TRHDE: variants seen among roughly 807,000 people sequenced by gnomAD.
TRHDE encodes thyrotropin-releasing hormone-degrading ectoenzyme.
In TRHDE, 72 loss-of-function variants were observed where a neutral mutation model predicts 125.7. The observed-to-expected ratio is 0.57, with a 90% CI of 0.47 to 0.70. The LOEUF (loss-of-function observed/expected upper bound fraction) is 0.70. Ranked by LOEUF, TRHDE falls within the 30% of genes least tolerant of loss-of-function variation. The probability of loss-of-function intolerance (pLI) is 0.00; values close to 1 mark genes in which losing one functional copy is unlikely to be tolerated. For synonymous variants in TRHDE, 509 were observed against 509.1 expected (o/e 1.00, Z 0.00); for missense variants, 1,110 against 1,327.1 (o/e 0.84, Z 2.54).
At chr12:72,335,827 A>G (rs1374207310) in intron 2 of TRHDE, among the ~76,000 whole-genome samples, 2 of 152,214 alleles carry the variant, frequency 1.3e-5, no homozygotes, top group African/African-American at 4.8e-5. Context: ...AGATATTTGA[A>G]TTCAGAGCTG....
chr12:72,469,740 G>A lies in TRHDE; in HGVS notation c.1316-18G>A, dbSNP rs754206654. 1.7e-5 allele frequency: 27 copies of A among 1,612,440 alleles called. 2 individuals carry two copies. The East Asian group carries it at 3.8e-4, about 23-fold the overall frequency. ...TGTCTTTGTTAAAGCCTTTGGAACT[G>A]TTTTATTTTATTTCTAGATCTTTTA... On this transcript the variant is annotated intron_variant, in intron 3 of 18. Coordinates refer to ENST00000261180, the MANE Select transcript of TRHDE (RefSeq NM_013381.3).
intron 2 of TRHDE, among the ~76,000 whole-genome samples, chr12:72,180,927 A>G (rs1592472361): frequency 6.6e-6 from 1 of 152,268 alleles, no homozygotes; most frequent in South Asian, 2.1e-4. Context: ...AATGTATACA[A>G]CTATGGTAAA....
intron 5 of TRHDE, among the ~76,000 whole-genome samples, chr12:72,485,149 A>G (rs897039463): frequency 6.6e-6 from 1 of 152,096 alleles, no homozygotes; most frequent in Non-Finnish European, 1.5e-5. Context: ...CAGCTGAAGA[A>G]GCTCTCCAGA....
intron 10 of TRHDE, among the ~76,000 whole-genome samples, chr12:72,570,115 G>A (rs772869406): frequency 2.6e-5 from 4 of 152,164 alleles, no homozygotes; most frequent in Non-Finnish European, 5.9e-5. Flanking sequence ...TTAGAAGAGG[G>A]TAAAGATACT....
At chr12:72,218,610 G>A (rs1877942023) in intron 2 of TRHDE, among the ~76,000 whole-genome samples, 1 of 152,062 alleles carries the variant, frequency 6.6e-6, no homozygotes, top group African/African-American at 2.4e-5. Flanking sequence ...GTTTCTTCTG[G>A]AGGCTCTAAG....
intron 3 of TRHDE, among the ~76,000 whole-genome samples, chr12:72,384,715 G>A (rs138855851): frequency 6.6e-6 from 1 of 152,176 alleles, no homozygotes; most frequent in East Asian, 1.9e-4. Flanking sequence ...GGGATAAATT[G>A]CCCTATTGAA....
At chr12:72,201,712 C>T (rs142582573) in intron 2 of TRHDE, among the ~76,000 whole-genome samples, 6 of 152,198 alleles carry the variant, frequency 3.9e-5, no homozygotes, top group East Asian at 1.9e-4. Flanking sequence ...TGAAGCATGC[C>T]GATCCAAGCA....
intron 6 of TRHDE, among the ~76,000 whole-genome samples, chr12:72,537,245 G>T (rs995669196): frequency 6.6e-6 from 1 of 151,980 alleles, no homozygotes; most frequent in African/African-American, 2.4e-5. Context: ...CTTCAGCTAG[G>T]ACTTATGGTG....
chr12:72,296,453 T>C (rs1182151995), intron 2 of TRHDE, among the ~76,000 whole-genome samples: 1 of 152,198 alleles, frequency 6.6e-6, no homozygotes, highest in Non-Finnish European at 1.5e-5. Context: ...GGATGGTTCC[T>C]GTGAGCAGAA....
At chr12:72,265,415 G>A (rs1378163584) in intron 2 of TRHDE, among the ~76,000 whole-genome samples, 6 of 151,772 alleles carry the variant, frequency 4.0e-5, no homozygotes, top group African/African-American at 1.2e-4. Flanking sequence ...ATGGTATGTT[G>A]GTGTAGCCTT....
At chr12:72,423,780 C>T (rs1043225978) in intron 3 of TRHDE, among the ~76,000 whole-genome samples, 7 of 151,868 alleles carry the variant, frequency 4.6e-5, no homozygotes, top group African/African-American at 1.2e-4. Context: ...TGCGTGTAAT[C>T]GGAAGAGTCT....
intron 2 of TRHDE, among the ~76,000 whole-genome samples, chr12:72,121,624 C>T (rs1875584589): frequency 6.6e-6 from 1 of 151,900 alleles, no homozygotes; most frequent in African/African-American, 2.4e-5. Context: ...CTATTCAAAA[C>T]TATCTTTTCT....
intron 1 of TRHDE, among the ~76,000 whole-genome samples, chr12:72,092,874 G>C (rs1874824938): frequency 6.6e-6 from 1 of 152,110 alleles, no homozygotes; most frequent in South Asian, 2.1e-4. Flanking sequence ...CCAAACCTCA[G>C]AACTTCTTTA....
Position 72,562,853 on chromosome 12 carries a change from G to T in TRHDE, c.1855G>T (p.Ala619Ser), listed in dbSNP as rs756648122. 6.5e-6 allele frequency: 10 copies of T among 1,544,822 alleles called. No homozygotes were observed. The highest frequency in any genetic ancestry group is 7.8e-6 in the Non-Finnish European group (9 of 1,148,324). Residue 619 changes from alanine (A) to serine (S), a missense_variant and splice_region_variant, in exon 9 of 19, where the codon GCT becomes TCT. Coordinates refer to ENST00000261180, the MANE Select transcript of TRHDE (RefSeq NM_013381.3). The stretch of plus-strand genomic sequence containing the variant: ...AATTTGTACATTTTTCCTTGTGAAG[G>T]CTTTAAAAAGAAATGGGAAATATGT... ...RNDLWNTLSE[A>S]LKRNGKYVNI...
chr12:72,156,775 A>G (rs1170948596), intron 2 of TRHDE, among the ~76,000 whole-genome samples: 3 of 152,196 alleles, frequency 2.0e-5, no homozygotes, highest in Non-Finnish European at 4.4e-5. Context: ...TTTGTCTTTC[A>G]TCAAATATTT....
chr12:72,508,487 G>C (rs1878447088), intron 6 of TRHDE, among the ~76,000 whole-genome samples: 1 of 152,190 alleles, frequency 6.6e-6, no homozygotes, highest in African/African-American at 2.4e-5. Flanking sequence ...AGACTTACAT[G>C]GGGCCTGTAG....
intron 2 of TRHDE, among the ~76,000 whole-genome samples, chr12:72,109,826 C>A (rs952457726): frequency 6.6e-6 from 1 of 152,166 alleles, no homozygotes; most frequent in East Asian, 1.9e-4. Flanking sequence ...TACTCATTGC[C>A]TGTGGCTGAG....
At chr12:72,659,802 TAGA>T (rs1874846043) in intron 18 of TRHDE, among the ~76,000 whole-genome samples, 1 of 152,114 alleles carries the variant, frequency 6.6e-6, no homozygotes, top group Admixed American at 6.6e-5. Flanking sequence ...ATGGTATAGT[TAGA>T]AAACACAATT....
intron 3 of TRHDE, among the ~76,000 whole-genome samples, chr12:72,460,044 G>A (rs919110658): frequency 6.6e-5 from 10 of 152,178 alleles, no homozygotes; most frequent in African/African-American, 2.4e-4. Flanking sequence ...CCTAGGGAAT[G>A]TGGTTCTTTT....
Sources: allele counts gnomAD v4.1 joint callset (sites outside exome capture counted in the v4.1 genomes callset), GRCh38; gene constraint gnomAD v4.1.1; transcripts MANE v1.5; gene names NCBI Gene and HGNC (gene_info 2026-07-23, HGNC 2026-07-21).